PSD3: variants seen among roughly 807,000 people sequenced by gnomAD.
PSD3 encodes the protein pleckstrin and Sec7 domain containing 3, also known as PH and SEC7 domain-containing protein 3.
PSD3 carries 49 observed loss-of-function variants against 105.5 expected under a neutral mutation model. That is an observed-to-expected ratio of 0.46 (90% CI 0.37 to 0.59). The LOEUF (loss-of-function observed/expected upper bound fraction) is 0.59. Among genes scored for constraint, PSD3 ranks in the 20% least tolerant of loss-of-function variants. PSD3 has a pLI of 0.00. For synonymous variants in PSD3, 557 were observed against 457.8 expected (o/e 1.22, Z -2.77); for missense variants, 1,561 against 1,263.8 (o/e 1.24, Z -3.57).
chr8:18,770,310 A>T (rs555778317), intron 8 of PSD3, among the ~76,000 whole-genome samples: 1 of 151,854 alleles, frequency 6.6e-6, no homozygotes, highest in Admixed American at 6.6e-5. Context: ...TTCCCTTCTT[A>T]TTGGAATATT....
At chr8:18,552,745 A>T (rs1308903530) in intron 15 of PSD3, among the ~76,000 whole-genome samples, 1 of 152,236 alleles carries the variant, frequency 6.6e-6, no homozygotes, top group Admixed American at 6.5e-5. Flanking sequence ...GAGTTTCTCA[A>T]TGTAGACTTG....
chr8:19,047,101 A>T (rs1349132529), intron 1 of PSD3, among the ~76,000 whole-genome samples: 2 of 152,208 alleles, frequency 1.3e-5, no homozygotes, highest in African/African-American at 4.8e-5. Flanking sequence ...TTCCTCTGCT[A>T]CACAGGGACA....
chr8:18,903,790 C>T lies in PSD3; in HGVS notation c.131-31057G>A, dbSNP rs566611414. Among the ~76,000 whole-genome samples the T allele has an allele frequency of 1.2e-4, 18 of 152,160 alleles. No individual in the cohort carries two copies. The South Asian group carries it at 1.2e-3, about 11-fold the overall frequency. On this transcript the variant is annotated intron_variant, in intron 2 of 15. Transcript: ENST00000327040. ...TCAGCTTAGGTACTAGGATATAGGA[C>T]CTTTCTGGGGGGCCAAGGCACCGTT...
intron 1 of PSD3, among the ~76,000 whole-genome samples, chr8:19,082,950 C>A (rs930510078): frequency 6.6e-6 from 1 of 152,230 alleles, no homozygotes; most frequent in East Asian, 1.9e-4. Context: ...TGTGGCTACG[C>A]AGGCCCTTGT....
Position 18,871,935 on chromosome 8 carries a change from C to T in PSD3, c.929G>A (p.Gly310Glu). 6.2e-7 allele frequency: 1 copy of T among 1,614,170 alleles called. No individual in the cohort carries two copies. The change falls in exon 3 of 16, where the codon GGA (glycine) becomes GAA (glutamate). Residue 310 changes from glycine (G) to glutamate (E), a missense_variant. By Grantham distance (98) the Gly-to-Glu change is moderately conservative. Transcript: ENST00000327040. ...ATGCTGGGTCTCTCTCTTGTCTCCT[C>T]CTGTCCACAGTATTTCCACTCCTTG... ...EFQGVEILWT[G>E]GDKRETQHPI... is the part of the protein sequence containing the mutation.
At chr8:18,812,500 G>A (rs1811780695) in intron 4 of PSD3, among the ~76,000 whole-genome samples, 1 of 152,218 alleles carries the variant, frequency 6.6e-6, no homozygotes, top group South Asian at 2.1e-4. Context: ...AGGGGGTAAT[G>A]CATGTGCCAG....
At chr8:18,680,484 A>G (rs986570448) in intron 9 of PSD3, among the ~76,000 whole-genome samples, 5 of 152,168 alleles carry the variant, frequency 3.3e-5, no homozygotes, top group African/African-American at 1.2e-4. Flanking sequence ...AACTCTTCCA[A>G]TAACAGACAC....
At chr8:18,606,789 G>T (rs898530853) in intron 11 of PSD3, among the ~76,000 whole-genome samples, 5 of 152,064 alleles carry the variant, frequency 3.3e-5, no homozygotes, top group African/African-American at 4.8e-5. Flanking sequence ...AAAGGGAAAG[G>T]CATTAACATT....
chr8:19,031,910 G>A (rs1221500452), intron 1 of PSD3, among the ~76,000 whole-genome samples: 1 of 152,176 alleles, frequency 6.6e-6, no homozygotes, highest in African/African-American at 2.4e-5. Flanking sequence ...TGATACAGTT[G>A]TTTGGATAGA....
intron 9 of PSD3, among the ~76,000 whole-genome samples, chr8:18,660,417 G>A (rs75141685): frequency 0.035 from 5,303 of 152,210 alleles, 465 homozygotes; most frequent in East Asian, 0.33. Flanking sequence ...AAGACACCAA[G>A]TTTGTGGTAA....
chr8:18,577,905 C>T (rs1802560559), intron 12 of PSD3, among the ~76,000 whole-genome samples: 1 of 151,990 alleles, frequency 6.6e-6, no homozygotes, highest in Non-Finnish European at 1.5e-5. Context: ...TCCTCTCATA[C>T]CTTTGCTATT....
intron 9 of PSD3, among the ~76,000 whole-genome samples, chr8:18,750,967 C>A (rs1003338623): frequency 1.3e-5 from 2 of 152,166 alleles, no homozygotes; most frequent in African/African-American, 4.8e-5. Context: ...ACTCAGGAGA[C>A]CAGCTGGCTT....
intron 3 of PSD3, among the ~76,000 whole-genome samples, chr8:18,871,093 T>G (rs1817316281): frequency 6.6e-6 from 1 of 152,170 alleles, no homozygotes; most frequent in Admixed American, 6.5e-5. Context: ...AACAAGACCC[T>G]GTCTCTGTAT....
At chr8:18,546,470 A>C (rs1396320110) in intron 15 of PSD3, among the ~76,000 whole-genome samples, 19 of 152,150 alleles carry the variant, frequency 1.2e-4, no homozygotes, top group African/African-American at 4.6e-4. Flanking sequence ...AGACATGCCA[A>C]ATGGGGCTAG....
intron 1 of PSD3, among the ~76,000 whole-genome samples, chr8:19,008,497 A>C (rs7822383): frequency 0.28 from 42,027 of 152,154 alleles, 6,727 homozygotes; most frequent in African/African-American, 0.44. Context: ...CTAAATTTCC[A>C]CTCTCCTAGT....
At chr8:19,065,853 A>G (rs895702128) in intron 1 of PSD3, among the ~76,000 whole-genome samples, 1 of 152,126 alleles carries the variant, frequency 6.6e-6, no homozygotes, top group African/African-American at 2.4e-5. Context: ...CCCAGAGGCT[A>G]GGGGGTGGGG....
chr8:18,586,086 G>A (rs1803166846), intron 12 of PSD3, among the ~76,000 whole-genome samples: 1 of 152,110 alleles, frequency 6.6e-6, no homozygotes, highest in South Asian at 2.1e-4. Context: ...GTGCCCATGT[G>A]TTCAGGAGGC....
chr8:18,899,643 C>G (rs1819374909), intron 2 of PSD3, among the ~76,000 whole-genome samples: 1 of 152,000 alleles, frequency 6.6e-6, no homozygotes, highest in Non-Finnish European at 1.5e-5. Context: ...TCATAGAGTT[C>G]TGGGTGGCTA....
chr8:18,612,866 C>T (rs951989053), intron 11 of PSD3, among the ~76,000 whole-genome samples: 11 of 152,154 alleles, frequency 7.2e-5, no homozygotes, highest in Admixed American at 2.6e-4. Context: ...TGTTGGAGAA[C>T]TTTCTACCCA....
Sources: allele counts gnomAD v4.1 joint callset (sites outside exome capture counted in the v4.1 genomes callset), GRCh38; gene constraint gnomAD v4.1.1; transcripts MANE v1.5; gene names NCBI Gene and HGNC (gene_info 2026-07-23, HGNC 2026-07-21).